MYO1H: variants seen among roughly 807,000 people sequenced by gnomAD.
MYO1H encodes the protein unconventional myosin-Ih.
MYO1H carries 118 observed loss-of-function variants against 149.3 expected under a neutral mutation model. The observed-to-expected ratio is 0.79, with a 90% CI of 0.68 to 0.92. MYO1H has a LOEUF of 0.92. Ranked by LOEUF, MYO1H falls within the 40% of genes least tolerant of loss-of-function variation. The pLI is 0.00. For missense variants in MYO1H, 1,212 were observed against 1,280.7 expected (o/e 0.95, Z 0.82); for synonymous variants, 447 against 465.2 (o/e 0.96, Z 0.50).
At chr12:109,416,694 G>A (rs1277609714) in intron 15 of MYO1H, among the ~76,000 whole-genome samples, 1 of 152,034 alleles carries the variant, frequency 6.6e-6, no homozygotes, top group East Asian at 1.9e-4. Flanking sequence ...TATTAGATTA[G>A]ATATGGTAAC....
At chr12:109,407,852 C>T (rs1345221824) in exon 10 of MYO1H, 2 of 1,613,832 alleles carry the variant, frequency 1.2e-6, no homozygotes, top group African/African-American at 2.7e-5. Context: ...ATGGCAAAGG[C>T]TGTTTATGGA....
rs1592781299 is a variant in MYO1H, at chr12:109,367,653, C to T, written c.12+19681C>T. On this transcript the variant is annotated intron_variant, in intron 1 of 31. Transcript: ENST00000310903. ...TGCAAGCTCCACCTCCCAGGTTCAC[C>T]CCATTCTCCTGCCTCAGCCTCCTGA... is the stretch of plus-strand genomic sequence containing the variant. 2.0e-5 allele frequency among the ~76,000 whole-genome samples: 3 copies of T among 151,860 alleles called. No homozygotes were observed. In the South Asian group the frequency reaches 6.2e-4, roughly 32 times the overall value.
chr12:109,409,437 T>A, intron 10 of MYO1H, 120 bp from the exon 11 acceptor site: 2 of 858,882 alleles, frequency 2.3e-6, no homozygotes, highest in Non-Finnish European at 4.0e-6. Context: ...TTTTCCGCAT[T>A]GTTGGAGACA....
chr12:109,367,029 C>T (rs1162983203), intron 1 of MYO1H, among the ~76,000 whole-genome samples: 2 of 152,198 alleles, frequency 1.3e-5, no homozygotes, highest in African/African-American at 2.4e-5. Context: ...TCATGTATTT[C>T]TTGTCCCAAG....
chr12:109,437,531 G>A (rs535756037), intron 22 of MYO1H, among the ~76,000 whole-genome samples: 1 of 152,232 alleles, frequency 6.6e-6, no homozygotes, highest in East Asian at 1.9e-4. Flanking sequence ...GGTCTCCATC[G>A]CAGTAACTCA....
Position 109,431,044 on chromosome 12 carries a change from G to A in MYO1H, c.1950-1853G>A, listed in dbSNP as rs574745517. Among the ~76,000 whole-genome samples the A allele has an allele frequency of 4.2e-4, 61 of 146,366 alleles. No homozygotes were observed. In the South Asian group the frequency reaches 5.2e-3, roughly 12 times the overall value. On this transcript the variant is annotated intron_variant, in intron 19 of 31. Transcript: ENST00000310903. ...CACTCCAGCCTGGGAGACAGAGCGA[G>A]ACTCCATCTCAAAAAAAAAAAAAAA...
intron 1 of MYO1H, among the ~76,000 whole-genome samples, chr12:109,378,959 G>A (rs1204622305): frequency 6.6e-6 from 1 of 152,200 alleles, no homozygotes; most frequent in Non-Finnish European, 1.5e-5. Context: ...TCTGGATTTA[G>A]GTGATGGTAT....
At chr12:109,359,837 A>G (rs1165602233) in intron 1 of MYO1H, among the ~76,000 whole-genome samples, 1 of 152,218 alleles carries the variant, frequency 6.6e-6, no homozygotes, top group African/African-American at 2.4e-5. Flanking sequence ...TCTTTGGCAA[A>G]CTAATGTTTT....
At chr12:109,341,016 A>G in the MYO1H span, among the ~76,000 whole-genome samples, 2 of 151,976 alleles carry the variant, frequency 1.3e-5, no homozygotes, top group African/African-American at 2.4e-5. Flanking sequence ...GCAAAATTCC[A>G]TCTCTACCAA....
chr12:109,424,844 A>C lies in MYO1H; in HGVS notation c.1725+16A>C, dbSNP rs1037450211. 1 of 1,609,640 alleles carries C rather than the reference A, an allele frequency of 6.2e-7. No individual in the cohort carries two copies. On this transcript the variant is annotated intron_variant, in intron 17 of 31. Coordinates refer to ENST00000310903, the Ensembl canonical transcript of MYO1H. ...GCCCCCAACAGTGAGTGGGAAAAAC[A>C]CCCATGCAAAATTGGATCTCACCAG...
chr12:109,332,230 T>C, the MYO1H span, among the ~76,000 whole-genome samples: 216 of 152,352 alleles, frequency 1.4e-3, no homozygotes, highest in Admixed American at 2.5e-3. Context: ...ATTTGGAAAT[T>C]GCAGAAGTTC....
chr12:109,340,517 G>A, the MYO1H span, among the ~76,000 whole-genome samples: 33 of 152,052 alleles, frequency 2.2e-4, no homozygotes, highest in African/African-American at 8.0e-4. Context: ...ATTATTTTCA[G>A]CAATAGTCAT....
At chr12:109,346,107 A>G (rs1457469681), upstream of MYO1H, among the ~76,000 whole-genome samples, 2 of 152,238 alleles carry the variant, frequency 1.3e-5, no homozygotes, top group Non-Finnish European at 2.9e-5. Context: ...CCTTGGATCA[A>G]AAGTATTCAG....
chr12:109,388,638 A>T (rs1266367660), intron 1 of MYO1H, 45 bp from the exon 2 acceptor site: 6 of 1,488,254 alleles, frequency 4.0e-6, no homozygotes, highest in Non-Finnish European at 5.4e-6. Flanking sequence ...TGTAATAGAT[A>T]TTACCAAATA....
the MYO1H span, among the ~76,000 whole-genome samples, chr12:109,339,254 G>GTAATCCC: frequency 1.3e-5 from 2 of 152,162 alleles, no homozygotes; most frequent in African/African-American, 4.8e-5. Flanking sequence ...AATCCCAGCT[G>GTAATCCC]TGCAGGAGAC....
At chr12:109,380,873 G>A (rs1869189871) in intron 1 of MYO1H, among the ~76,000 whole-genome samples, 1 of 152,170 alleles carries the variant, frequency 6.6e-6, no homozygotes, top group Non-Finnish European at 1.5e-5. Flanking sequence ...TTGAACCCGG[G>A]AGGCAGAGGT....
chr12:109,325,403 G>A, the MYO1H span, among the ~76,000 whole-genome samples: 1 of 152,058 alleles, frequency 6.6e-6, no homozygotes, highest in African/African-American at 2.4e-5. Flanking sequence ...ACTGAAACTG[G>A]AACCCTTCCT....
the MYO1H span, among the ~76,000 whole-genome samples, chr12:109,326,486 ATATTTTATTTTATTTTATTTTATTT>A: frequency 0.2 from 27,747 of 137,298 alleles, 2,859 homozygotes; most frequent in African/African-American, 0.25. Context: ...CCTTTTTTTT[ATATTTTATTTTATTTTATTTTATTT>A]TATTTTATTT....
chr12:109,380,091 C>T (rs1031771441), intron 1 of MYO1H, among the ~76,000 whole-genome samples: 6 of 151,816 alleles, frequency 4.0e-5, no homozygotes, highest in South Asian at 4.2e-4. Flanking sequence ...GATACGGTCT[C>T]GCTTTGTTGC....
Sources: gnomAD v4.1 joint callset for allele counts (sites outside exome capture counted in the v4.1 genomes callset) on GRCh38, gnomAD v4.1.1 for gene constraint, MANE v1.5 for transcripts, NCBI Gene and HGNC (gene_info 2026-07-23, HGNC 2026-07-21) for gene names.